RXFP2: variants seen among roughly 807,000 people sequenced by gnomAD.
RXFP2 encodes relaxin family peptide receptor 2.
A neutral mutation model predicts 88.6 loss-of-function variants in RXFP2; 68 were observed. The observed-to-expected ratio is 0.77, with a 90% CI of 0.63 to 0.94. The LOEUF (loss-of-function observed/expected upper bound fraction) is 0.94. Ranked by LOEUF, RXFP2 falls within the 40% of genes least tolerant of loss-of-function variation. The pLI is 0.00. For missense variants in RXFP2, 791 were observed against 893.9 expected (o/e 0.88, Z 1.47); for synonymous variants, 329 against 306.8 (o/e 1.07, Z -0.76).
At position 31,765,993 on chromosome 13, in the gene RXFP2, A is replaced by G. The variant is rs1194366895; in HGVS notation, c.463A>G (p.Lys155Glu). ...KKNKIHSLPD[K>E]VFIKYTKLKK... ...AAACAAAATCCACAGTCTTCCAGAT[A>G]AAGTTTTCATCAAATACACAAAACT... The change falls in exon 5 of 18, where the codon AAA (lysine) becomes GAA (glutamate). Residue 155 changes from lysine to glutamate, a missense_variant. Physicochemically the swap from Lys to Glu is moderately conservative, Grantham distance 56. Coordinates refer to ENST00000298386, the MANE Select transcript of RXFP2 (RefSeq NM_130806.5). 1 of 1,551,086 alleles carries G rather than the reference A, an allele frequency of 6.4e-7. No homozygotes were observed. Among genetic ancestry groups the G allele is most frequent in the Admixed American group, 1.7e-5 (1 of 59,726 alleles).
chr13:31,783,633 G>A (rs1356137633), intron 11 of RXFP2, among the ~76,000 whole-genome samples: 4 of 152,184 alleles, frequency 2.6e-5, no homozygotes, highest in African/African-American at 9.7e-5. Context: ...GCAAGGTACT[G>A]CATTAGAACT....
intron 10 of RXFP2, among the ~76,000 whole-genome samples, chr13:31,781,985 A>C (rs1431296396): frequency 6.6e-6 from 1 of 152,084 alleles, no homozygotes; most frequent in African/African-American, 2.4e-5. Context: ...TCTCAGCTGA[A>C]CTGGGACCTG....
intron 14 of RXFP2, 26 bp downstream of exon 14, chr13:31,789,219 G>A (rs776886071): frequency 6.3e-6 from 9 of 1,424,518 alleles, no homozygotes; most frequent in Non-Finnish European, 7.9e-6. Context: ...AAATGGAGGA[G>A]GAAGCATGGT....
intron 15 of RXFP2, 118 bp from the exon 16 acceptor site, chr13:31,792,560 T>C: frequency 1.0e-6 from 1 of 971,994 alleles, no homozygotes; most frequent in South Asian, 1.4e-5. Context: ...TCATTTGATA[T>C]AAGATGAAAG....
chr13:31,767,354 C>T (rs1872587999), intron 5 of RXFP2, among the ~76,000 whole-genome samples: 1 of 152,194 alleles, frequency 6.6e-6, no homozygotes, highest in Admixed American at 6.5e-5. Context: ...GTCATTGCCA[C>T]ACTGGAGTAG....
Position 31,750,552 on chromosome 13 carries a change from G to A in RXFP2, c.95-7706G>A, listed in dbSNP as rs77031082. On this transcript the variant is annotated intron_variant, in intron 1 of 17. Coordinates refer to ENST00000298386, the MANE Select transcript of RXFP2 (RefSeq NM_130806.5). ...AAAATCTAGAAACCTCTGATCTAAC[G>A]CATGTCAGAGATAGTCAGTGTATTG... 3.3e-3 allele frequency among the ~76,000 whole-genome samples: 505 copies of A among 152,166 alleles called. 5 individuals are homozygous for A. Among genetic ancestry groups the A allele is most frequent in the African/African-American group, 0.011 (457 of 41,498 alleles).
chr13:31,797,292 A>G lies in RXFP2; in HGVS notation c.1878A>G (p.Val626=). The change falls in exon 17 of 18, where the codon GTA becomes GTG. Residue 626 remains valine (V), a synonymous_variant. Transcript: ENST00000298386. Reference sequence around the variant, plus strand: ...AAACCGCCTTGCAGACCACAGAAGTAAGGAATTGTTTTGGAAGAGAGGTGG... The same window carrying G: ...AAACCGCCTTGCAGACCACAGAAGTGAGGAATTGTTTTGGAAGAGAGGTGG... ...IQKTALQTTE[V]RNCFGREVAV... 6.2e-7 allele frequency: 1 copy of G among 1,614,032 alleles called. No individual in the cohort carries two copies. Among genetic ancestry groups the G allele is most frequent in the Admixed American group, 1.7e-5 (1 of 60,026 alleles).
At chr13:31,764,803 A>C (rs769548661) in intron 3 of RXFP2, among the ~76,000 whole-genome samples, 9 of 152,336 alleles carry the variant, frequency 5.9e-5, no homozygotes, top group Non-Finnish European at 1.3e-4. Flanking sequence ...TTTTCCAATC[A>C]CTTGGTAAAT....
intron 13 of RXFP2, among the ~76,000 whole-genome samples, chr13:31,788,216 G>A (rs1873640334): frequency 6.6e-6 from 1 of 151,894 alleles, no homozygotes; most frequent in East Asian, 1.9e-4. Flanking sequence ...TTACTCAGTA[G>A]TATAACAGCT....
intron 3 of RXFP2, among the ~76,000 whole-genome samples, chr13:31,763,343 C>T (rs1013171040): frequency 5.3e-5 from 8 of 152,190 alleles, no homozygotes; most frequent in African/African-American, 1.9e-4. Context: ...TCTCAGCCCC[C>T]CAAAGTGTTG....
Position 31,784,813 on chromosome 13 carries a change from C to T in RXFP2, c.930-1570C>T, listed in dbSNP as rs532587760. ...GCCAGGCTTGAAGACCATTCCGTTTCCCTCCAACTTTCTCTTAATACATGT... is the reference window on the plus strand; with the variant it reads ...GCCAGGCTTGAAGACCATTCCGTTTTCCTCCAACTTTCTCTTAATACATGT... On this transcript the variant is annotated intron_variant, in intron 11 of 17. Coordinates refer to ENST00000298386, the MANE Select transcript of RXFP2 (RefSeq NM_130806.5). Among the ~76,000 whole-genome samples, 233 of 152,234 alleles carry T rather than the reference C, an allele frequency of 1.5e-3. 3 individuals carry two copies. Among genetic ancestry groups the T allele is most frequent in the African/African-American group, 5.2e-3 (215 of 41,536 alleles).
Position 31,793,021 on chromosome 13 carries a change from T to C in RXFP2, c.1719T>C (p.Cys573=), listed in dbSNP as rs1873869798. 4.3e-6 allele frequency: 7 copies of C among 1,613,736 alleles called. No individual in the cohort carries two copies. The highest frequency in any genetic ancestry group is 1.3e-5 in the African/African-American group (1 of 74,924). The change falls in exon 16 of 18, where the codon TGT becomes TGC. Residue 573 remains cysteine (C), a synonymous_variant. Coordinates refer to ENST00000298386, the MANE Select transcript of RXFP2 (RefSeq NM_130806.5). ...FGNFYGKNGV[C]FPLYYDQTED... ...ACTTTTATGGGAAAAATGGAGTATG[T>C]TTCCCACTTTATTATGACCAAACAG...
intron 17 of RXFP2, among the ~76,000 whole-genome samples, chr13:31,798,374 C>T (rs143113872): frequency 3.1e-4 from 47 of 152,178 alleles, no homozygotes; most frequent in African/African-American, 1.0e-3. Context: ...GTGTAGGATA[C>T]GAAAGTGAAA....
chr13:31,739,685 A>G lies in RXFP2; in HGVS notation c.73A>G (p.Ile25Val), dbSNP rs200667593. 1.1e-4 allele frequency: 181 copies of G among 1,605,470 alleles called. No homozygotes were observed. Among genetic ancestry groups the G allele is most frequent in the Non-Finnish European group, 1.4e-4 (169 of 1,172,164 alleles). ...TACAATGTTCTTTCTACTTCATTTC[A>G]TCGTTCTGATCAATGTCAAAGGTAA... ...LITMFFLLHF[I>V]VLINVKDFAL... Residue 25 changes from isoleucine (I) to valine (V), a missense_variant, in exon 1 of 18, where the codon ATC becomes GTC. Transcript: ENST00000298386.
intron 1 of RXFP2, among the ~76,000 whole-genome samples, chr13:31,757,212 A>C (rs891178829): frequency 1.3e-5 from 2 of 152,192 alleles, no homozygotes; most frequent in African/African-American, 4.8e-5. Context: ...ATGCTCCTTG[A>C]AATGCAGATT....
At chr13:31,743,778 C>T (rs998296440) in intron 1 of RXFP2, among the ~76,000 whole-genome samples, 2 of 152,054 alleles carry the variant, frequency 1.3e-5, no homozygotes, top group African/African-American at 4.8e-5. Context: ...TTGCTGTCCT[C>T]ACCTCTGAAA....
At chr13:31,740,625 T>TA (rs1263427314) in intron 1 of RXFP2, among the ~76,000 whole-genome samples, 2 of 152,010 alleles carry the variant, frequency 1.3e-5, no homozygotes, top group Non-Finnish European at 2.9e-5. Context: ...ATGCAATACT[T>TA]ATGAGGAATT....
chr13:31,793,906 C>A (rs541667383), intron 16 of RXFP2, among the ~76,000 whole-genome samples: 1 of 152,220 alleles, frequency 6.6e-6, no homozygotes, highest in East Asian at 1.9e-4. Flanking sequence ...TAGTTGGAAA[C>A]CTTACTCCCT....
chr13:31,745,663 T>C (rs573609188), intron 1 of RXFP2, among the ~76,000 whole-genome samples: 16 of 152,332 alleles, frequency 1.1e-4, no homozygotes, highest in Admixed American at 1.0e-3. Flanking sequence ...CTTTTCTGAA[T>C]TCATGTTCTA....
Sources: allele counts gnomAD v4.1 joint callset (sites outside exome capture counted in the v4.1 genomes callset), GRCh38; gene constraint gnomAD v4.1.1; transcripts MANE v1.5; gene names NCBI Gene and HGNC (gene_info 2026-07-23, HGNC 2026-07-21).